Variants in TNPO3 observed in about 807,000 individuals in gnomAD.
TNPO3 encodes the protein transportin-3.
TNPO3 carries 65 observed loss-of-function variants against 122.8 expected under a neutral mutation model. The ratio of observed to expected loss-of-function variants is 0.53; its 90% CI spans 0.43 to 0.65. The LOEUF (loss-of-function observed/expected upper bound fraction) is 0.65, where lower values mean the gene tolerates loss of function less well. TNPO3 is among the 30% of genes least tolerant of loss of function. The pLI is 0.00. For missense variants in TNPO3, 850 were observed against 1,136.7 expected, an observed-to-expected ratio of 0.75 and a Z score of 3.63; for synonymous variants, 372 against 411.2, an observed-to-expected ratio of 0.90 and a Z score of 1.15.
intron 20 of TNPO3, among the ~76,000 whole-genome samples, chr7:128,968,087 G>T (rs1461395636): frequency 2.6e-5 from 4 of 152,106 alleles, no homozygotes; most frequent in Admixed American, 2.6e-4. Flanking sequence ...TGAGCTTAAA[G>T]ATCAAAAGTG....
chr7:128,998,844 T>A (rs1801620500), intron 7 of TNPO3, among the ~76,000 whole-genome samples: 1 of 151,782 alleles, frequency 6.6e-6, no homozygotes, highest in African/African-American at 2.4e-5. Flanking sequence ...GCCAGAAGTC[T>A]TTTTATTTTT....
rs376309645 is a variant in TNPO3, at chr7:128,978,965, C to T, written c.2061+18G>A. On this transcript the variant is annotated intron_variant, in intron 16 of 22. Transcript: ENST00000265388. ...ATTCTGTACATGGAACACGTCCCCC[C>T]GCAACAGATAACTTTACCTGTGTGA... 3.6e-4 allele frequency: 573 copies of T among 1,613,352 alleles called. No homozygotes were observed. Among genetic ancestry groups the T allele is most frequent in the Non-Finnish European group, 4.2e-4 (500 of 1,179,718 alleles).
chr7:128,979,130 C>A lies in TNPO3; in HGVS notation c.1921-7G>T. The A allele has an allele frequency of 1.2e-6, 2 of 1,613,504 alleles. No homozygotes were observed. The highest frequency in any genetic ancestry group is 1.1e-5 in the South Asian group (1 of 90,998). ...CGGATAAAACTGGCCATATCTGGGT[C>A]AAAAGTAAAAGAGCACAAGAAAGAA... On this transcript the variant is annotated splice_region_variant and splice_polypyrimidine_tract_variant and intron_variant, in intron 15 of 22. Transcript: ENST00000265388.
chr7:128,996,879 ACT>A (rs1801392249), intron 8 of TNPO3, among the ~76,000 whole-genome samples: 2 of 151,690 alleles, frequency 1.3e-5, no homozygotes. Context: ...AATTCATATA[ACT>A]CTTGTTATAC....
chr7:128,984,854 C>T (rs1207841998), intron 12 of TNPO3, among the ~76,000 whole-genome samples: 2 of 152,110 alleles, frequency 1.3e-5, no homozygotes, highest in African/African-American at 4.8e-5. Context: ...AGCCTCCTAC[C>T]CCCTTTCTTT....
chr7:128,991,925 G>GAAA, intron 10 of TNPO3, 74 bp downstream of exon 10: 1 of 1,004,136 alleles, frequency 1.0e-6, no homozygotes, highest in Non-Finnish European at 1.4e-6. Flanking sequence ...TACCATATAA[G>GAAA]AAAAAAAAAA....
intron 1 of TNPO3, among the ~76,000 whole-genome samples, chr7:129,038,542 G>A (rs1040441709): frequency 5.9e-5 from 9 of 152,298 alleles, no homozygotes; most frequent in Middle Eastern, 3.4e-3. Flanking sequence ...AATGTTCACT[G>A]CAGCACTATT....
rs1798900728 is a variant in TNPO3 at position 128,974,876 on chromosome 7, T to C, written c.2265A>G (p.Leu755=). The C allele has an allele frequency of 6.2e-7, 1 of 1,613,872 alleles. No individual in the cohort carries two copies. The highest frequency in any genetic ancestry group is 1.1e-5 in the South Asian group (1 of 91,088). ...TCTTCAGAAGGATTTACCTGGTGGCTAGCCGGAACAGGTCATCTACAGTGT... is the reference window on the plus strand; with the variant it reads ...TCTTCAGAAGGATTTACCTGGTGGCCAGCCGGAACAGGTCATCTACAGTGT... ...HPDTVDDLFR[L]ATRFIQRSPV... is the part of the protein sequence containing the mutation. The change falls in exon 18 of 23, where the codon CTA becomes CTG. Residue 755 remains leucine (L), a synonymous_variant. Coordinates refer to ENST00000265388, the MANE Select transcript of TNPO3 (RefSeq NM_012470.4).
At chr7:129,047,455 C>T (rs1389615603) in intron 1 of TNPO3, among the ~76,000 whole-genome samples, 1 of 152,204 alleles carries the variant, frequency 6.6e-6, no homozygotes, top group Non-Finnish European at 1.5e-5. Flanking sequence ...TTGAAGTTAT[C>T]AGTGATATCT....
In TNPO3 at chr7:128,972,444, ATG is replaced by A; in HGVS notation, c.2410_2411del (p.His804TyrfsTer6). The A allele has an allele frequency of 6.2e-7, 1 of 1,613,754 alleles. No homozygotes were observed. Among genetic ancestry groups the A allele is most frequent in the Non-Finnish European group, 8.5e-7 (1 of 1,179,876 alleles). On this transcript the variant is annotated frameshift_variant, in exon 19 of 23. Coordinates refer to ENST00000265388, the MANE Select transcript of TNPO3 (RefSeq NM_012470.4). LOFTEE classifies it high-confidence loss of function. ...SVMRFLRDLI[H>X]TGVANDHEED... ...TACTTACATCATTGGCTACCCCTGT[ATG>A]AATGAGGTCTCGTAGAAACCTCATG...
At chr7:128,965,461 G>A (rs1258898) in intron 21 of TNPO3, among the ~76,000 whole-genome samples, 4,747 of 152,206 alleles carry the variant, frequency 0.031, 246 homozygotes, top group African/African-American at 0.11. Context: ...GTGAGGATGT[G>A]GAGAAATTGG....
intron 1 of TNPO3, 76 bp from the exon 2 acceptor site, chr7:129,018,233 A>G: frequency 7.0e-7 from 1 of 1,425,478 alleles, no homozygotes; most frequent in South Asian, 1.3e-5. Context: ...CAATACTTAT[A>G]TAAACATATT....
intron 1 of TNPO3, among the ~76,000 whole-genome samples, chr7:129,035,147 G>A (rs1474757554): frequency 1.3e-5 from 2 of 151,620 alleles, no homozygotes; most frequent in African/African-American, 4.9e-5. Flanking sequence ...GGTGGCGGGT[G>A]CCTGTAGTCC....
chr7:128,990,581 G>A (rs1800644847), intron 10 of TNPO3, among the ~76,000 whole-genome samples: 1 of 152,188 alleles, frequency 6.6e-6, no homozygotes, highest in Non-Finnish European at 1.5e-5. Flanking sequence ...ATTTCTTATA[G>A]CTGGATATTG....
intron 4 of TNPO3, among the ~76,000 whole-genome samples, chr7:129,012,371 T>C (rs1177735836): frequency 6.6e-6 from 1 of 152,008 alleles, no homozygotes; most frequent in Non-Finnish European, 1.5e-5. Flanking sequence ...TTTTTCAAAC[T>C]AAAAGATCTA....
At chr7:128,994,085 G>GTA (rs900118699) in intron 8 of TNPO3, among the ~76,000 whole-genome samples, 171 bp from the exon 9 acceptor site, 1 of 152,190 alleles carries the variant, frequency 6.6e-6, no homozygotes, top group Non-Finnish European at 1.5e-5. Context: ...AAATTGTGAG[G>GTA]TATGCCAAGT....
intron 1 of TNPO3, among the ~76,000 whole-genome samples, chr7:129,050,212 T>C (rs1808555568): frequency 6.6e-6 from 1 of 151,492 alleles, no homozygotes; most frequent in Admixed American, 6.6e-5. Flanking sequence ...TGAAACCTTG[T>C]CTCTACTAAA....
Position 129,001,126 on chromosome 7 carries a change from G to C in TNPO3, c.805C>G (p.Leu269Val). 1.9e-6 allele frequency: 3 copies of C among 1,614,154 alleles called. No individual in the cohort carries two copies. The highest frequency in any genetic ancestry group is 2.5e-6 in the Non-Finnish European group (3 of 1,180,014). Residue 269 changes from leucine (L) to valine (V), a missense_variant, in exon 6 of 23, where the codon CTT (leucine) becomes GTT (valine). Coordinates refer to ENST00000265388, the MANE Select transcript of TNPO3 (RefSeq NM_012470.4). ...VETNLPLAMQ[L>V]FQGVLTLETA... The stretch of plus-strand genomic sequence containing the variant: ...TCCAATGTCAGCACTCCCTGAAAAA[G>C]TTGCATGGCTAATGGCAAGTTAGTC...
intron 20 of TNPO3, among the ~76,000 whole-genome samples, chr7:128,969,111 T>C (rs898129759): frequency 7.9e-5 from 12 of 152,192 alleles, no homozygotes; most frequent in Admixed American, 6.5e-4. Flanking sequence ...GTTGTTGTTG[T>C]TCGCACTTAA....
Sources: gnomAD v4.1 joint callset for allele counts (sites outside exome capture counted in the v4.1 genomes callset) on GRCh38, gnomAD v4.1.1 for gene constraint, MANE v1.5 for transcripts, NCBI Gene and HGNC (gene_info 2026-07-23, HGNC 2026-07-21) for gene names.